TMEM245: variants seen among roughly 807,000 people sequenced by gnomAD.
The protein encoded by TMEM245 is transmembrane protein 245.
Under a neutral mutation model 101.2 loss-of-function variants are expected in TMEM245, and 69 were observed. The ratio of observed to expected loss-of-function variants is 0.68; its 90% CI spans 0.56 to 0.83. The LOEUF (loss-of-function observed/expected upper bound fraction) is 0.83, where lower values mean the gene tolerates loss of function less well. Among genes scored for constraint, TMEM245 ranks in the 40% least tolerant of loss-of-function variants. The pLI is 0.00. For missense variants in TMEM245, 1,075 were observed against 1,092.8 expected, an observed-to-expected ratio of 0.98 and a Z score of 0.23; for synonymous variants, 537 against 449.8, an observed-to-expected ratio of 1.19 and a Z score of -2.45.
chr9:109,119,029 G>A (rs994290827), intron 1 of TMEM245, among the ~76,000 whole-genome samples: 2 of 152,186 alleles, frequency 1.3e-5, no homozygotes, highest in East Asian at 3.8e-4. Context: ...CCACTGCCAT[G>A]CTCTGAGGCC....
At chr9:109,060,092 C>T (rs868265017) in intron 11 of TMEM245, among the ~76,000 whole-genome samples, 43 of 152,240 alleles carry the variant, frequency 2.8e-4, no homozygotes, top group Middle Eastern at 3.4e-3. Flanking sequence ...ACACTTCTCC[C>T]GCACAGAGCT....
intron 17 of TMEM245, among the ~76,000 whole-genome samples, chr9:109,020,961 A>G (rs1281172213): frequency 6.6e-6 from 1 of 152,250 alleles, no homozygotes; most frequent in Non-Finnish European, 1.5e-5. Context: ...AATCCAACAG[A>G]GAGTCCAAGC....
intron 9 of TMEM245, among the ~76,000 whole-genome samples, chr9:109,069,111 A>T (rs1047454462): frequency 1.3e-5 from 2 of 152,222 alleles, no homozygotes; most frequent in Middle Eastern, 3.4e-3. Context: ...TGTCTTTGCA[A>T]CTCCCTGTGA....
intron 5 of TMEM245, among the ~76,000 whole-genome samples, chr9:109,089,537 G>C (rs1425218104): frequency 6.6e-6 from 1 of 152,130 alleles, no homozygotes; most frequent in African/African-American, 2.4e-5. Flanking sequence ...AAATGTAGAA[G>C]GTACTCAGAA....
At chr9:109,033,933 G>C (rs756077415) in intron 16 of TMEM245, among the ~76,000 whole-genome samples, 4 of 152,178 alleles carry the variant, frequency 2.6e-5, no homozygotes, top group Non-Finnish European at 2.9e-5. Context: ...GCAACAATGA[G>C]AGCATCCCTG....
intron 17 of TMEM245, among the ~76,000 whole-genome samples, chr9:109,030,512 A>G (rs1278090198): frequency 6.6e-6 from 1 of 152,270 alleles, no homozygotes; most frequent in African/African-American, 2.4e-5. Flanking sequence ...TTTTCTCAAA[A>G]TAACAGCAAA....
chr9:109,119,621 T>C lies in TMEM245; in HGVS notation c.293A>G (p.Lys98Arg). ...VLCGTFLHPF[K>R]SSLTRLGRHW... ...GCGGCCCAGGCGCGTCAGCGAGCTCTTGAAGGGGTGCAGAAAAGTGCCGCA... is the reference window on the plus strand; with the variant it reads ...GCGGCCCAGGCGCGTCAGCGAGCTCCTGAAGGGGTGCAGAAAAGTGCCGCA... Residue 98 changes from lysine (K) to arginine (R), a missense_variant, in exon 1 of 18, where the codon AAG (lysine) becomes AGG (arginine). By Grantham distance (26) the Lys-to-Arg change is conservative (BLOSUM62 2). Around this residue, in one of 2 missense-constraint regions of TMEM245, gnomAD observed 808 missense variants for 741.5 expected, o/e 1.09. Coordinates refer to ENST00000374586, the MANE Select transcript of TMEM245 (RefSeq NM_032012.4). 6.4e-7 allele frequency: 1 copy of C among 1,561,510 alleles called. No homozygotes were observed. The highest frequency in any genetic ancestry group is 8.6e-7 in the Non-Finnish European group (1 of 1,156,578).
chr9:109,065,617 AG>A (rs1210502384), intron 9 of TMEM245, among the ~76,000 whole-genome samples: 2 of 152,200 alleles, frequency 1.3e-5, no homozygotes, highest in Non-Finnish European at 1.5e-5. Flanking sequence ...CTGTTGACTA[AG>A]CAGGCTGTAC....
chr9:109,050,768 A>T, intron 12 of TMEM245, 76 bp from the exon 13 acceptor site: 2 of 1,552,940 alleles, frequency 1.3e-6, no homozygotes, highest in Non-Finnish European at 1.8e-6. Flanking sequence ...GTGTGCTTTT[A>T]ATACAGTGTT....
intron 7 of TMEM245, among the ~76,000 whole-genome samples, chr9:109,082,443 T>A (rs542124518): frequency 6.6e-6 from 1 of 152,216 alleles, no homozygotes; most frequent in African/African-American, 2.4e-5. Context: ...CAGAAACCAA[T>A]TGAAAACTAG....
Position 109,018,776 on chromosome 9 carries a change from C to A in TMEM245, c.*1684G>T, listed in dbSNP as rs539864443. 2.0e-5 allele frequency: 3 copies of A among 152,146 alleles called. No homozygotes were observed. The East Asian group carries it at 5.8e-4, about 29-fold the overall frequency. The allele number at this position is 152,146 out of a possible 1,614,324, so 9.4% of individuals were successfully genotyped here. ...CTTGGGACAGTGTCTCACTCTCTCA[C>A]CCAGGCTGGAGTGCAGTGGCGCCAT... On this transcript the variant is annotated 3_prime_UTR_variant, in exon 18 of 18. Transcript: ENST00000374586.
At chr9:109,103,188 T>C (rs139022699) in intron 3 of TMEM245, among the ~76,000 whole-genome samples, 63 of 152,334 alleles carry the variant, frequency 4.1e-4, no homozygotes, top group African/African-American at 1.3e-3. Context: ...TGCAGATGAC[T>C]GAACTTACAT....
intron 14 of TMEM245, among the ~76,000 whole-genome samples, chr9:109,047,520 C>T (rs1466126503): frequency 6.6e-6 from 1 of 152,168 alleles, no homozygotes; most frequent in South Asian, 2.1e-4. Context: ...TCAGCTGAAC[C>T]TAGGTGTGAC....
At chr9:109,117,169 G>A (rs1337060826) in intron 1 of TMEM245, among the ~76,000 whole-genome samples, 3 of 151,802 alleles carry the variant, frequency 2.0e-5, no homozygotes, top group Non-Finnish European at 2.9e-5. Context: ...GAGTGCAGTG[G>A]TGCAATCTTG....
At chr9:109,043,980 G>A (rs968486935) in intron 14 of TMEM245, among the ~76,000 whole-genome samples, 1 of 152,206 alleles carries the variant, frequency 6.6e-6, no homozygotes, top group South Asian at 2.1e-4. Context: ...ATACCGTATG[G>A]CACTAAAGGT....
intron 11 of TMEM245, among the ~76,000 whole-genome samples, chr9:109,057,939 T>G (rs1828891251): frequency 6.6e-6 from 1 of 151,226 alleles, no homozygotes; most frequent in Non-Finnish European, 1.5e-5. Flanking sequence ...TTTTTTTTTT[T>G]TTTTTAGTTT....
At chr9:109,032,556 TGGG>T (rs1827992927) in intron 17 of TMEM245, among the ~76,000 whole-genome samples, 1 of 149,894 alleles carries the variant, frequency 6.7e-6, no homozygotes, top group Non-Finnish European at 1.5e-5. Flanking sequence ...GGCTAATTTT[TGGG>T]GTATTTTTAG....
At chr9:109,096,547 C>G (rs1002217850) in intron 3 of TMEM245, among the ~76,000 whole-genome samples, 2 of 152,160 alleles carry the variant, frequency 1.3e-5, no homozygotes, top group African/African-American at 4.8e-5. Flanking sequence ...AACTGACCTA[C>G]ACCAGAGATG....
chr9:109,048,782 A>T (rs1316188231), intron 14 of TMEM245, among the ~76,000 whole-genome samples: 1 of 152,238 alleles, frequency 6.6e-6, no homozygotes, highest in East Asian at 1.9e-4. Flanking sequence ...AAGAGCTTAT[A>T]CAGAGGAAAA....
Sources: allele counts gnomAD v4.1 joint callset (sites outside exome capture counted in the v4.1 genomes callset), GRCh38; gene constraint gnomAD v4.1.1; regional missense constraint gnomAD v4.1.1; transcripts MANE v1.5; gene names NCBI Gene and HGNC (gene_info 2026-07-23, HGNC 2026-07-21).